The following MTNAP1 variants were observed in gnomAD, a reference collection of about 807,000 sequenced individuals.
The protein encoded by MTNAP1 is mitochondrial nucleoid associated protein 1.
the MTNAP1 span, chr17:73,232,442 C>G: frequency 2.9e-6 from 3 of 1,040,044 alleles, no homozygotes; most frequent in Admixed American, 9.4e-5. Context: ...GGAGAAAGGA[C>G]CTCCCCTGGG....
At chr17:73,247,434 G>A in the MTNAP1 span, 4 of 1,268,136 alleles carry the variant, frequency 3.2e-6, no homozygotes, top group South Asian at 1.2e-5. Flanking sequence ...ACACCTAAGT[G>A]TAGTGGTAGC....
At chr17:73,234,418 G>A in the MTNAP1 span, among the ~76,000 whole-genome samples, 13 of 151,224 alleles carry the variant, frequency 8.6e-5, no homozygotes, top group African/African-American at 2.7e-4. Context: ...TAGGCCAGGC[G>A]TGGTGTCTCA....
At chr17:73,235,567 A>C in the MTNAP1 span, 1 of 1,614,154 alleles carries the variant, frequency 6.2e-7, no homozygotes, top group South Asian at 1.1e-5. Flanking sequence ...GCCATACTGT[A>C]AGATGATAGG....
the MTNAP1 span, among the ~76,000 whole-genome samples, chr17:73,234,552 G>T: frequency 6.6e-6 from 1 of 151,948 alleles, no homozygotes; most frequent in African/African-American, 2.4e-5. Context: ...TTAGCCTGGC[G>T]TGGTGGCGCA....
At chr17:73,248,227 A>G in the MTNAP1 span, 3 of 447,170 alleles carry the variant, frequency 6.7e-6, no homozygotes, top group Non-Finnish European at 1.2e-5. Flanking sequence ...TAAAAGCTTC[A>G]TCCAGAAAGA....
At chr17:73,248,156 T>A in the MTNAP1 span, 2 of 268,502 alleles carry the variant, frequency 7.4e-6, no homozygotes, top group Non-Finnish European at 1.4e-5. Flanking sequence ...CGCTCATGTA[T>A]GCAAAATTCC....
At chr17:73,232,468 G>A in the MTNAP1 span, 1 of 685,026 alleles carries the variant, frequency 1.5e-6, no homozygotes, top group East Asian at 3.1e-5. Flanking sequence ...AGAAGCGCTC[G>A]CCTGTTCACA....
chr17:73,234,319 A>ATG, the MTNAP1 span, among the ~76,000 whole-genome samples: 1 of 108,672 alleles, frequency 9.2e-6, no homozygotes, highest in African/African-American at 3.3e-5. Context: ...CATGGTATAA[A>ATG]TGTTTTTTTT....
chr17:73,248,368 T>G, the MTNAP1 span: 2 of 869,750 alleles, frequency 2.3e-6, no homozygotes, highest in South Asian at 3.1e-5. Flanking sequence ...GTCTCTAACA[T>G]GATTTACCAT....
chr17:73,235,666 T>A, the MTNAP1 span: 1 of 1,614,074 alleles, frequency 6.2e-7, no homozygotes, highest in Non-Finnish European at 8.5e-7. Context: ...AATCAAAGAT[T>A]TAATTAAAGC....
chr17:73,232,696 C>G, the MTNAP1 span: 4 of 193,828 alleles, frequency 2.1e-5, no homozygotes, highest in Non-Finnish European at 4.2e-5. Flanking sequence ...CCGGGGCCGC[C>G]TGGGCTTTCA....
At chr17:73,235,682 G>A in the MTNAP1 span, 1 of 1,614,144 alleles carries the variant, frequency 6.2e-7, no homozygotes, top group Non-Finnish European at 8.5e-7. Flanking sequence ...AAAGCTAAAG[G>A]GAAAGAGTTA....
the MTNAP1 span, among the ~76,000 whole-genome samples, chr17:73,246,091 G>A: frequency 2.0e-5 from 3 of 152,252 alleles, no homozygotes; most frequent in Middle Eastern, 3.4e-3. Context: ...TTTAGGCAAC[G>A]TTGATGGATA....
At chr17:73,247,753 A>G in the MTNAP1 span, 8 of 165,370 alleles carry the variant, frequency 4.8e-5, no homozygotes, top group Non-Finnish European at 1.1e-4. Flanking sequence ...TAACTCACAT[A>G]TAGTAGGAAA....
At chr17:73,234,414 A>G in the MTNAP1 span, among the ~76,000 whole-genome samples, 1 of 151,790 alleles carries the variant, frequency 6.6e-6, no homozygotes, top group Admixed American at 6.6e-5. Flanking sequence ...TAAGTAGGCC[A>G]GGCGTGGTGT....
At chr17:73,248,254 G>A in the MTNAP1 span, 16 of 497,260 alleles carry the variant, frequency 3.2e-5, no homozygotes, top group Non-Finnish European at 4.0e-5. Context: ...TCCTCAGAAC[G>A]AATAGTAGAC....
At chr17:73,242,827 T>A in the MTNAP1 span, 1 of 1,282,352 alleles carries the variant, frequency 7.8e-7, no homozygotes, top group South Asian at 1.3e-5. Context: ...TGGGAAAACT[T>A]GAATGACTCG....
chr17:73,247,185 C>G, the MTNAP1 span: 5 of 1,510,920 alleles, frequency 3.3e-6, no homozygotes, highest in South Asian at 5.6e-5. Flanking sequence ...CGAGTAGTTG[C>G]GACAGAAACC....
At chr17:73,234,681 C>A in the MTNAP1 span, among the ~76,000 whole-genome samples, 3,174 of 96,568 alleles carry the variant, frequency 0.033, no homozygotes, top group Admixed American at 0.037. Context: ...GACTCTGTCT[C>A]AAAAAAAAAA....
Sources: gnomAD v4.1 joint callset for allele counts (sites outside exome capture counted in the v4.1 genomes callset) on GRCh38, gnomAD v4.1.1 for gene constraint, MANE v1.5 for transcripts, NCBI Gene and HGNC (gene_info 2026-07-23, HGNC 2026-07-21) for gene names.